Variants in CEP85L observed in about 807,000 individuals in gnomAD.
The protein encoded by CEP85L is centrosomal protein of 85 kDa-like.
Under a neutral mutation model 100.3 loss-of-function variants are expected in CEP85L, and 60 were observed. That is an observed-to-expected ratio of 0.60 (90% CI 0.49 to 0.74). The LOEUF is 0.74. CEP85L is among the 30% of genes least tolerant of loss of function. The probability of loss-of-function intolerance (pLI) is 0.00; values close to 1 mark genes in which losing one functional copy is unlikely to be tolerated. For missense variants in CEP85L, 973 were observed against 936.2 expected, an observed-to-expected ratio of 1.04 and a Z score of -0.51; for synonymous variants, 319 against 322.7, an observed-to-expected ratio of 0.99 and a Z score of 0.12.
At chr6:118,502,170 T>C in intron 5 of CEP85L, 1 of 1,098,866 alleles carries the variant, frequency 9.1e-7, no homozygotes, top group Non-Finnish European at 1.3e-6. Flanking sequence ...TCAAAGAGGA[T>C]AAAAGGAACA....
At chr6:118,546,213 A>G (rs1257850561) in intron 3 of CEP85L, among the ~76,000 whole-genome samples, 7 of 152,166 alleles carry the variant, frequency 4.6e-5, no homozygotes. Flanking sequence ...GGTAAACACA[A>G]AAACTCCCCA....
intron 5 of CEP85L, among the ~76,000 whole-genome samples, chr6:118,505,110 C>T (rs1775561869): frequency 6.6e-6 from 1 of 151,900 alleles, no homozygotes. Flanking sequence ...CAGCCTAAAA[C>T]TGCTCTAAAA....
At chr6:118,607,343 CAGAG>C (rs902052788) in intron 2 of CEP85L, among the ~76,000 whole-genome samples, 1 of 152,076 alleles carries the variant, frequency 6.6e-6, no homozygotes, top group Non-Finnish European at 1.5e-5. Context: ...TTAGGGAGGC[CAGAG>C]AAAGACCCAC....
chr6:118,657,265 C>A (rs1775828735), upstream of CEP85L: 1 of 152,388 alleles, frequency 6.6e-6, no homozygotes, highest in East Asian at 1.9e-4. Context: ...TAGACTGAGA[C>A]TATACAGGAG....
intron 1 of CEP85L, among the ~76,000 whole-genome samples, chr6:118,662,992 CA>C (rs1776023712): frequency 6.6e-6 from 1 of 151,660 alleles, no homozygotes; most frequent in African/African-American, 2.4e-5. Context: ...AAACCAGAAC[CA>C]GGGGTTATAT....
intron 5 of CEP85L, chr6:118,501,814 G>T: frequency 4.2e-6 from 4 of 962,370 alleles, no homozygotes; most frequent in Non-Finnish European, 6.2e-6. Flanking sequence ...CTGGCTGAGA[G>T]AGAGAGAGAG....
In CEP85L at chr6:118,491,733, G is replaced by C. The variant is rs375327287; in HGVS notation, c.1390C>G (p.Gln464Glu). Residue 464 changes from glutamine to glutamate, a missense_variant, in exon 6 of 13, where the codon CAA becomes GAA. Coordinates refer to ENST00000368491, the MANE Select transcript of CEP85L (RefSeq NM_001042475.3). ...TCTTCACTAAATAGGCTTAGTCTTT[G>C]TTTGAGAAACTCATTAAGCTGTAAA... The part of the protein sequence containing the change: ...EVLQLNEFLK[Q>E]RLSLFSEEKK... 8 of 1,612,878 alleles carry C rather than the reference G, an allele frequency of 5.0e-6. No individual in the cohort carries two copies. Among genetic ancestry groups the C allele is most frequent in the South Asian group, 1.1e-5 (1 of 90,866 alleles).
At chr6:118,642,275 T>G (rs941323172) in intron 1 of CEP85L, among the ~76,000 whole-genome samples, 1 of 152,138 alleles carries the variant, frequency 6.6e-6, no homozygotes, top group African/African-American at 2.4e-5. Flanking sequence ...ACCCTTTTTA[T>G]GAAAGGTTTG....
intron 1 of CEP85L, among the ~76,000 whole-genome samples, chr6:118,634,882 G>A (rs1774395263): frequency 1.3e-5 from 2 of 152,112 alleles, no homozygotes; most frequent in South Asian, 4.1e-4. Context: ...TAAATAGGCT[G>A]GGACTATATG....
At chr6:118,482,825 T>C (rs1399583124) in intron 7 of CEP85L, among the ~76,000 whole-genome samples, 3 of 152,110 alleles carry the variant, frequency 2.0e-5, no homozygotes, top group African/African-American at 7.3e-5. Flanking sequence ...TTTTTACAAC[T>C]TATAAATTAA....
intron 3 of CEP85L, chr6:118,558,927 G>C (rs1583047436): frequency 6.2e-7 from 1 of 1,613,768 alleles, no homozygotes; most frequent in Non-Finnish European, 8.5e-7. Context: ...GTATCATGGA[G>C]AAAGTCCAAT....
chr6:118,588,406 G>A (rs1780988814), intron 2 of CEP85L, among the ~76,000 whole-genome samples: 1 of 152,208 alleles, frequency 6.6e-6, no homozygotes, highest in Admixed American at 6.5e-5. Flanking sequence ...AGCCTTAGTA[G>A]GTAGTAGCAC....
upstream of CEP85L, chr6:118,652,737 A>C: frequency 1.3e-6 from 2 of 1,546,420 alleles, no homozygotes; most frequent in Non-Finnish European, 1.7e-6. Flanking sequence ...GGAGTTTTAC[A>C]TTTAGTCTCC....
intron 2 of CEP85L, among the ~76,000 whole-genome samples, chr6:118,624,172 G>GA (rs1356150665): frequency 6.6e-6 from 1 of 152,122 alleles, no homozygotes; most frequent in Non-Finnish European, 1.5e-5. Flanking sequence ...TCCTAAAGAA[G>GA]AAAAACTCAT....
chr6:118,687,718 G>A (rs1407678429), intron 1 of CEP85L, among the ~76,000 whole-genome samples: 1 of 152,142 alleles, frequency 6.6e-6, no homozygotes, highest in South Asian at 2.1e-4. Flanking sequence ...CTTCTGGTCC[G>A]TGTTTGTTAC....
intron 3 of CEP85L, among the ~76,000 whole-genome samples, chr6:118,529,485 G>A (rs1270154523): frequency 6.6e-6 from 1 of 151,770 alleles, no homozygotes; most frequent in African/African-American, 2.4e-5. Context: ...GTGGGCATCT[G>A]TAGTCCCAGC....
At chr6:118,623,612 T>C (rs1381689726) in intron 2 of CEP85L, among the ~76,000 whole-genome samples, 1 of 152,142 alleles carries the variant, frequency 6.6e-6, no homozygotes, top group East Asian at 1.9e-4. Context: ...GTATCTCCCA[T>C]GGCCACTCTC....
chr6:118,501,946 C>T, intron 5 of CEP85L: 1 of 919,008 alleles, frequency 1.1e-6, no homozygotes. Context: ...ACAGTAGGAG[C>T]AGCTTGACTG....
At chr6:118,578,945 G>T (rs536907075) in intron 2 of CEP85L, among the ~76,000 whole-genome samples, 1 of 152,060 alleles carries the variant, frequency 6.6e-6, no homozygotes, top group Non-Finnish European at 1.5e-5. Flanking sequence ...ACCCAGGCTG[G>T]TGTGCAATGG....
Sources: gnomAD v4.1 joint callset for allele counts (sites outside exome capture counted in the v4.1 genomes callset) on GRCh38, gnomAD v4.1.1 for gene constraint, MANE v1.5 for transcripts, NCBI Gene and HGNC (gene_info 2026-07-23, HGNC 2026-07-21) for gene names.